Variants in ABCA3 observed in about 807,000 individuals in gnomAD.
ABCA3 encodes ATP binding cassette subfamily A member 3.
In ABCA3, 88 loss-of-function variants were observed where a neutral mutation model predicts 172.8. The observed-to-expected ratio is 0.51, with a 90% CI of 0.43 to 0.61. The LOEUF is 0.61. Ranked by LOEUF, ABCA3 falls within the 20% of genes least tolerant of loss-of-function variation. The probability of loss-of-function intolerance (pLI) is 0.00; values close to 1 mark genes in which losing one functional copy is unlikely to be tolerated. For synonymous variants in ABCA3, 1,066 were observed against 983.8 expected (o/e 1.08, Z -1.56); for missense variants, 2,164 against 2,301.0 (o/e 0.94, Z 1.22).
At chr16:2,336,521 C>G (rs1388374165) in intron 1 of ABCA3, among the ~76,000 whole-genome samples, 1 of 151,640 alleles carries the variant, frequency 6.6e-6, no homozygotes, top group African/African-American at 2.4e-5. Flanking sequence ...ACCTCTGCCT[C>G]CCAGGTTCAA....
At position 2,319,754 on chromosome 16, in the gene ABCA3, G is replaced by C; in HGVS notation, c.700C>G (p.Leu234Val). Residue 234 changes from leucine to valine, a missense_variant, in exon 8 of 33, where the codon CTG becomes GTG. Coordinates refer to ENST00000301732, the MANE Select transcript of ABCA3 (RefSeq NM_001089.3). ...ATGGTCACCGTCAGTCTCTGGAACA[G>C]CTGGCGTGTGGCGGCATCGGCATGG... ...EYHADAATRQLFQRLTVTIKR... is the reference protein window; with the variant it reads ...EYHADAATRQVFQRLTVTIKR... 1 of 1,614,026 alleles carries C rather than the reference G, an allele frequency of 6.2e-7. No individual in the cohort carries two copies. The highest frequency in any genetic ancestry group is 1.3e-5 in the African/African-American group (1 of 75,044).
intron 11 of ABCA3, among the ~76,000 whole-genome samples, 175 bp downstream of exon 11, chr16:2,308,275 C>T (rs570985655): frequency 6.6e-6 from 1 of 152,310 alleles, no homozygotes; most frequent in East Asian, 1.9e-4. Flanking sequence ...CGCCCGGGGC[C>T]GTGTCCAGCT....
chr16:2,279,304 T>C lies in ABCA3; in HGVS notation c.4360-174A>G, dbSNP rs1020822413. On this transcript the variant is annotated intron_variant, in intron 28 of 32. Coordinates refer to ENST00000301732, the MANE Select transcript of ABCA3 (RefSeq NM_001089.3). The surrounding 1 kb of genome is among the most constrained non-coding windows in gnomAD (Gnocchi z 4.4). ...CACAGGCCGTGGTGGCTGCCCACAG[T>C]GGAAGCTCTTGGAACAGGGACACAG... Among the ~76,000 whole-genome samples, 4 of 152,156 alleles carry C rather than the reference T, an allele frequency of 2.6e-5. No homozygotes were observed. The highest frequency in any genetic ancestry group is 2.1e-4 in the South Asian group (1 of 4,828).
chr16:2,288,067 T>C lies in ABCA3; in HGVS notation c.2963A>G (p.Asp988Gly). The C allele has an allele frequency of 1.2e-6, 2 of 1,612,556 alleles. No individual in the cohort carries two copies. Among genetic ancestry groups the C allele is most frequent in the Non-Finnish European group, 1.7e-6 (2 of 1,180,004 alleles). The change falls in exon 21 of 33, where the codon GAC (aspartate) becomes GGC (glycine). Residue 988 changes from aspartate to glycine, a missense_variant. Asp to Gly is a moderately conservative substitution (Grantham distance 94). This residue lies in a region of ABCA3 where 1,343 missense variants were observed against 1,369.6 expected (regional missense o/e 0.98). Transcript: ENST00000301732. ...CTCCTGTCCCTCAGCCTGCAGTGCG[T>C]CTTTCAGATGCTCTGACAGCTGCTG... ...LGQQLSEHLK[D>G]ALQAEGQEPR...
rs2093739996 is a variant in ABCA3 at position 2,329,688 on chromosome 16, A to C, written c.-372T>G. On this transcript the variant is annotated 5_prime_UTR_variant, in exon 2 of 33. Transcript: ENST00000301732. The stretch of plus-strand genomic sequence containing the variant: ...GGCTCCACACAGCAGGTCTCCCTTC[A>C]GGACTACTGGGGAACTGGCCAGGAG... 1 of 152,608 alleles carries C rather than the reference A, an allele frequency of 6.6e-6. No homozygotes were observed. Among genetic ancestry groups the C allele is most frequent in the Non-Finnish European group, 1.5e-5 (1 of 68,372 alleles). 9.5% of individuals were successfully genotyped at this position (152,608 alleles called of 1,614,324 possible). A position where few individuals can be genotyped will look rare whatever the true frequency, so the allele number is the denominator to read the frequency against.
At chr16:2,293,675 C>G (rs550816555) in intron 18 of ABCA3, among the ~76,000 whole-genome samples, 13 of 151,492 alleles carry the variant, frequency 8.6e-5, no homozygotes, top group African/African-American at 2.7e-4. Context: ...GTAGCTGGGA[C>G]TACAGGTGCC....
In ABCA3 at chr16:2,278,970, T is replaced by G; in HGVS notation, c.4520A>C (p.His1507Pro). ...NTLRGLLLEP[H>P]ANKLVRTYSG... is the part of the protein sequence containing the mutation. ...GTACGTCCTGACCAGCTTGTTGGCA[T>G]GTGGCTCCAGCAGCAGGCCCCGCAG... Residue 1507 changes from histidine to proline, a missense_variant, in exon 29 of 33, where the codon CAT (histidine) becomes CCT (proline). His to Pro is a moderately conservative substitution (Grantham distance 77, BLOSUM62 -2). Coordinates refer to ENST00000301732, the MANE Select transcript of ABCA3 (RefSeq NM_001089.3). This position sits in a 1 kb window ranked among gnomAD's most constrained non-coding sequence, Gnocchi z 4.4. 6.2e-7 allele frequency: 1 copy of G among 1,613,598 alleles called. No homozygotes were observed. Among genetic ancestry groups the G allele is most frequent in the Non-Finnish European group, 8.5e-7 (1 of 1,180,030 alleles).
Position 2,283,287 on chromosome 16 carries a change from C to T in ABCA3, c.3934G>A (p.Ala1312Thr), listed in dbSNP as rs779493132. The change falls in exon 26 of 33, where the codon GCC becomes ACC. Residue 1312 changes from alanine to threonine, a missense_variant. Physicochemically the swap from Ala to Thr is moderately conservative, Grantham distance 58. Transcript: ENST00000301732. This position sits in a 1 kb window ranked among gnomAD's most constrained non-coding sequence, Gnocchi z 5.4. The stretch of plus-strand genomic sequence containing the variant: ...AGGATGAGGTAGGCGCACCCTGAGG[C>T]GGCCATGGAGGCCACAAACCGGCCG... Reference protein sequence around the residue: ...GVGRFVASMAASGCAYLILLF... With the variant: ...GVGRFVASMATSGCAYLILLF... 9 of 1,613,272 alleles carry T rather than the reference C, an allele frequency of 5.6e-6. No individual in the cohort carries two copies. The highest frequency in any genetic ancestry group is 1.7e-4 in the Middle Eastern group (1 of 6,054).
In ABCA3 at chr16:2,283,400, C is replaced by A. The variant is rs200483180; in HGVS notation, c.3863-42G>T. The A allele has an allele frequency of 2.5e-6, 4 of 1,600,210 alleles. No individual in the cohort carries two copies. The African/African-American group carries it at 5.4e-5, about 21-fold the overall frequency. On this transcript the variant is annotated intron_variant, in intron 25 of 32. Transcript: ENST00000301732. The surrounding 1 kb of genome is among the most constrained non-coding windows in gnomAD (Gnocchi z 5.4). ...TCACTGTGCCCCGAGGCCTGGGGCA[C>A]CCTCCTCCCCTTCCAGGTTCCCGGC...
chr16:2,288,409 GTTCT>G, intron 20 of ABCA3, 80 bp from the exon 21 acceptor site: 1 of 1,466,536 alleles, frequency 6.8e-7, no homozygotes, highest in Non-Finnish European at 9.1e-7. Context: ...GGCAGGTGCT[GTTCT>G]GTGTGACGCC....
chr16:2,295,764 G>A (rs1377215229), intron 17 of ABCA3, 24 bp from the exon 18 acceptor site: 2 of 1,613,556 alleles, frequency 1.2e-6, no homozygotes, highest in Middle Eastern at 1.7e-4. Flanking sequence ...CCACGTGTGA[G>A]ATCTTTGGCT....
At chr16:2,311,650 T>C (rs1473358997) in intron 10 of ABCA3, among the ~76,000 whole-genome samples, 5 of 152,114 alleles carry the variant, frequency 3.3e-5, no homozygotes, top group Admixed American at 6.6e-5. Context: ...GCCTCCTGAG[T>C]AGATGGGATT....
chr16:2,292,535 G>A (rs1263167717), intron 18 of ABCA3, among the ~76,000 whole-genome samples: 1 of 152,010 alleles, frequency 6.6e-6, no homozygotes, highest in Non-Finnish European at 1.5e-5. Context: ...GGAGGTGGAG[G>A]CTGCAGTGAA....
Position 2,276,274 on chromosome 16 carries a change from T to C in ABCA3, c.*400A>G, listed in dbSNP as rs1024888011. 1.7e-5 allele frequency: 8 copies of C among 458,840 alleles called. 1 individual carries two copies. Among genetic ancestry groups the C allele is most frequent in the Admixed American group, 7.1e-5 (3 of 42,482 alleles). The allele number at this position is 458,840 out of a possible 1,614,324, so 28.4% of individuals were successfully genotyped here. ...TCAACCTGGCTGGCTTCCCGCTTCC[T>C]CCCCAGGGGAGATTAGTGTCGTGTG... On this transcript the variant is annotated 3_prime_UTR_variant, in exon 33 of 33. Coordinates refer to ENST00000301732, the MANE Select transcript of ABCA3 (RefSeq NM_001089.3).
chr16:2,292,775 AC>A (rs1252557670), intron 18 of ABCA3, among the ~76,000 whole-genome samples: 16 of 151,926 alleles, frequency 1.1e-4, no homozygotes, highest in Admixed American at 3.9e-4. Flanking sequence ...ATAAAACAAA[AC>A]AAAACAACAA....
At chr16:2,300,593 G>A (rs933323967) in intron 12 of ABCA3, among the ~76,000 whole-genome samples, 21 of 152,158 alleles carry the variant, frequency 1.4e-4, no homozygotes, top group Non-Finnish European at 2.1e-4. Flanking sequence ...AAGGCGCCAC[G>A]CCTCCCTCTA....
At chr16:2,280,891 G>C (rs1371005893) in intron 28 of ABCA3, 136 bp downstream of exon 28, 2 of 1,158,168 alleles carry the variant, frequency 1.7e-6, no homozygotes, top group Admixed American at 2.0e-5. Flanking sequence ...TCGCTGTCCA[G>C]AGGCATGTGC....
At position 2,283,108 on chromosome 16, in the gene ABCA3, C is replaced by T; in HGVS notation, c.4035+78G>A. 2.0e-6 allele frequency: 3 copies of T among 1,471,178 alleles called. No individual in the cohort carries two copies. Among genetic ancestry groups the T allele is most frequent in the Non-Finnish European group, 2.8e-6 (3 of 1,073,610 alleles). The allele number at this position is 1,471,178 out of a possible 1,614,324, so 91.1% of individuals were successfully genotyped here. A position where few individuals can be genotyped will look rare whatever the true frequency, so the allele number is the denominator to read the frequency against. ...CTGCCTGGTGGAGAAGGAGGTGGAG[C>T]TGCCCCAGGTTGTGCTGGGCCCAAG... is the stretch of plus-strand genomic sequence containing the variant. On this transcript the variant is annotated intron_variant, in intron 26 of 32. Coordinates refer to ENST00000301732, the MANE Select transcript of ABCA3 (RefSeq NM_001089.3). The surrounding 1 kb of genome is among the most constrained non-coding windows in gnomAD (Gnocchi z 5.4).
chr16:2,297,206 A>G lies in ABCA3; in HGVS notation c.2263+123T>C. 5.5e-6 allele frequency: 6 copies of G among 1,089,128 alleles called. No individual in the cohort carries two copies. The highest frequency in any genetic ancestry group is 8.1e-6 in the Non-Finnish European group (6 of 739,440). 67.5% of individuals were successfully genotyped at this position (1,089,128 alleles called of 1,614,324 possible). On this transcript the variant is annotated intron_variant, in intron 17 of 32. Coordinates refer to ENST00000301732, the MANE Select transcript of ABCA3 (RefSeq NM_001089.3). The surrounding 1 kb of genome is among the most constrained non-coding windows in gnomAD (Gnocchi z 5.6). ...GTTGGGCTCTCCACCCAGAGGCAAC[A>G]GACAGGAAGTCTAGAAAAGGCCACC...
Sources: allele counts gnomAD v4.1 joint callset (sites outside exome capture counted in the v4.1 genomes callset), GRCh38; gene constraint gnomAD v4.1.1; regional missense constraint gnomAD v4.1.1; non-coding constraint Gnocchi (gnomAD v3.1); transcripts MANE v1.5; gene names NCBI Gene and HGNC (gene_info 2026-07-23, HGNC 2026-07-21).